CNTN5: variants seen among roughly 807,000 people sequenced by gnomAD.
The protein encoded by CNTN5 is contactin 5.
A neutral mutation model predicts 129.1 loss-of-function variants in CNTN5; 77 were observed. The ratio of observed to expected loss-of-function variants is 0.60; its 90% CI spans 0.50 to 0.72. CNTN5 has a LOEUF of 0.72. CNTN5 is among the 30% of genes least tolerant of loss of function. CNTN5 has a pLI of 0.00. For synonymous variants in CNTN5, 509 were observed against 465.6 expected, an observed-to-expected ratio of 1.09 and a Z score of -1.20; for missense variants, 1,478 against 1,328.8, an observed-to-expected ratio of 1.11 and a Z score of -1.75.
chr11:99,975,351 T>C (rs909195430), intron 8 of CNTN5, among the ~76,000 whole-genome samples: 1 of 152,090 alleles, frequency 6.6e-6, no homozygotes, highest in African/African-American at 2.4e-5. Context: ...CCCCTTGGTT[T>C]TGACCAATTT....
intron 1 of CNTN5, among the ~76,000 whole-genome samples, chr11:99,192,050 C>T (rs977894439): frequency 2.7e-5 from 4 of 149,940 alleles, no homozygotes; most frequent in Admixed American, 2.0e-4. Flanking sequence ...ATTGAAATAC[C>T]AGAATGAAGA....
At chr11:99,438,056 C>T (rs980893607) in intron 2 of CNTN5, among the ~76,000 whole-genome samples, 1 of 152,124 alleles carries the variant, frequency 6.6e-6, no homozygotes, top group Non-Finnish European at 1.5e-5. Context: ...TGCTTGTAAA[C>T]TATCATTTTA....
At chr11:99,659,016 G>C (rs921246475) in intron 3 of CNTN5, among the ~76,000 whole-genome samples, 1 of 151,630 alleles carries the variant, frequency 6.6e-6, no homozygotes, top group Non-Finnish European at 1.5e-5. Context: ...ATTTTATATT[G>C]TGCCTCCAAC....
chr11:100,098,901 G>A lies in CNTN5; in HGVS notation c.1580+24607G>A, dbSNP rs1215962871. Among the ~76,000 whole-genome samples the A allele has an allele frequency of 2.6e-5, 4 of 152,088 alleles. No homozygotes were observed. In the East Asian group the frequency reaches 7.8e-4, roughly 30 times the overall value. On this transcript the variant is annotated intron_variant, in intron 13 of 24. Transcript: ENST00000524871. The stretch of plus-strand genomic sequence containing the variant: ...TTGTTCACCCGGTGGTGAGCAGAGT[G>A]TCAGGAAAATGAGTGGAAATCTTCA...
Position 99,980,762 on chromosome 11 carries a change from A to C in CNTN5, c.878-21272A>C, listed in dbSNP as rs1290634232. The stretch of plus-strand genomic sequence containing the variant: ...TGTTCAGCCTAAAAGGATAATAAGG[A>C]AACTGATTAATTTAGTCCTCTTATT... On this transcript the variant is annotated intron_variant, in intron 8 of 24. Coordinates refer to ENST00000524871, the MANE Select transcript of CNTN5 (RefSeq NM_014361.4). 2.0e-5 allele frequency among the ~76,000 whole-genome samples: 3 copies of C among 152,152 alleles called. No homozygotes were observed. In the East Asian group the frequency reaches 5.8e-4, roughly 30 times the overall value.
In CNTN5 at chr11:100,358,405, TATGGA is replaced by T; in HGVS notation, c.*2189_*2193del. The T allele has an allele frequency of 6.6e-6, 1 of 151,908 alleles. No individual in the cohort carries two copies. The highest frequency in any genetic ancestry group is 2.4e-5 in the African/African-American group (1 of 41,426). The allele number at this position is 151,908 out of a possible 1,614,324, so 9.4% of individuals were successfully genotyped here. ...GATGTATTCTTACAGGAATCAGAGA[TATGGA>T]ATGTTTTTACTTAACATACACAGAA... On this transcript the variant is annotated 3_prime_UTR_variant, in exon 25 of 25. Coordinates refer to ENST00000524871, the MANE Select transcript of CNTN5 (RefSeq NM_014361.4).
At chr11:99,450,252 G>A (rs961338948) in intron 2 of CNTN5, among the ~76,000 whole-genome samples, 34 of 75,280 alleles carry the variant, frequency 4.5e-4, no homozygotes, top group African/African-American at 1.8e-3. Flanking sequence ...AGTATTGCTG[G>A]TAGAAATATA....
chr11:99,969,426 G>T (rs1464131937), intron 8 of CNTN5, among the ~76,000 whole-genome samples: 1 of 152,054 alleles, frequency 6.6e-6, no homozygotes, highest in Non-Finnish European at 1.5e-5. Context: ...TGGTGGCAAA[G>T]ATATATTCAC....
chr11:99,602,036 G>T lies in CNTN5; in HGVS notation c.55+45767G>T, dbSNP rs567328879. The stretch of plus-strand genomic sequence containing the variant: ...AAATGTTTTAAATATTACATATACA[G>T]AGATATGCATACATATATAATAACT... On this transcript the variant is annotated intron_variant, in intron 3 of 24. Coordinates refer to ENST00000524871, the MANE Select transcript of CNTN5 (RefSeq NM_014361.4). Among the ~76,000 whole-genome samples the T allele has an allele frequency of 2.6e-5, 4 of 151,894 alleles. No individual in the cohort carries two copies. In the East Asian group the frequency reaches 7.7e-4, roughly 29 times the overall value.
At chr11:100,038,616 G>T (rs1591105352) in intron 9 of CNTN5, among the ~76,000 whole-genome samples, 1 of 152,046 alleles carries the variant, frequency 6.6e-6, no homozygotes, top group East Asian at 1.9e-4. Flanking sequence ...TCTCTTTGTA[G>T]GTCACTAAGG....
At chr11:99,271,764 G>T (rs1443032062) in intron 1 of CNTN5, among the ~76,000 whole-genome samples, 3 of 151,924 alleles carry the variant, frequency 2.0e-5, no homozygotes, top group African/African-American at 7.2e-5. Context: ...AAAGCCCTTA[G>T]TCGCTTGCCA....
chr11:99,817,005 T>C (rs562771528), intron 3 of CNTN5, among the ~76,000 whole-genome samples: 1 of 152,356 alleles, frequency 6.6e-6, no homozygotes, highest in African/African-American at 2.4e-5. Flanking sequence ...AAGCATTTTC[T>C]GATGACTTAA....
chr11:99,531,745 A>G (rs1489763376), intron 2 of CNTN5, among the ~76,000 whole-genome samples: 1 of 152,198 alleles, frequency 6.6e-6, no homozygotes, highest in African/African-American at 2.4e-5. Context: ...AAGCCTTCGC[A>G]GTTTCCACGT....
At chr11:100,072,929 C>G (rs1003620380) in intron 12 of CNTN5, among the ~76,000 whole-genome samples, 4 of 137,930 alleles carry the variant, frequency 2.9e-5, no homozygotes, top group Non-Finnish European at 4.5e-5. Flanking sequence ...ATTTCTCAAA[C>G]CCTTATCATT....
intron 9 of CNTN5, among the ~76,000 whole-genome samples, chr11:100,002,642 A>G (rs557485707): frequency 1.3e-5 from 2 of 152,252 alleles, no homozygotes; most frequent in African/African-American, 4.8e-5. Context: ...ACAACATGTA[A>G]TCATTTCCCA....
intron 2 of CNTN5, among the ~76,000 whole-genome samples, chr11:99,341,321 G>C (rs1323832080): frequency 6.6e-6 from 1 of 152,066 alleles, no homozygotes; most frequent in African/African-American, 2.4e-5. Flanking sequence ...TTTGGAATTT[G>C]TTTTCAGACT....
At chr11:100,184,951 T>C (rs926081543) in intron 13 of CNTN5, among the ~76,000 whole-genome samples, 3 of 151,984 alleles carry the variant, frequency 2.0e-5, no homozygotes, top group African/African-American at 7.2e-5. Context: ...TCTCATGATT[T>C]GTAGTGAGTT....
chr11:99,105,030 TG>T (rs1187673288), intron 1 of CNTN5, among the ~76,000 whole-genome samples: 1 of 152,152 alleles, frequency 6.6e-6, no homozygotes, highest in East Asian at 1.9e-4. Context: ...TGAAATCACT[TG>T]ATCTGCTCTA....
At chr11:100,076,300 G>A (rs1010403237) in intron 13 of CNTN5, among the ~76,000 whole-genome samples, 15 of 151,906 alleles carry the variant, frequency 9.9e-5, no homozygotes, top group African/African-American at 3.6e-4. Flanking sequence ...GTTTCTGGGT[G>A]GCATGTGAGT....
Sources: allele counts gnomAD v4.1 joint callset (sites outside exome capture counted in the v4.1 genomes callset), GRCh38; gene constraint gnomAD v4.1.1; transcripts MANE v1.5; gene names NCBI Gene and HGNC (gene_info 2026-07-23, HGNC 2026-07-21).